Variants in SLC45A4 observed in about 807,000 individuals in gnomAD.
The protein encoded by SLC45A4 is polyamine-transporter SLC45A4.
Under a neutral mutation model 63.7 loss-of-function variants are expected in SLC45A4, and 32 were observed. That is an observed-to-expected ratio of 0.50 (90% CI 0.38 to 0.67). The LOEUF (loss-of-function observed/expected upper bound fraction) is 0.67, where lower values mean the gene tolerates loss of function less well. Among genes scored for constraint, SLC45A4 ranks in the 30% least tolerant of loss-of-function variants. The pLI is 0.00. For missense variants in SLC45A4, 1,027 were observed against 1,157.7 expected (o/e 0.89, Z 1.64); for synonymous variants, 535 against 510.0 (o/e 1.05, Z -0.66).
At chr8:141,225,092 C>G (rs11777252) in intron 2 of SLC45A4, 1 of 152,096 alleles carries the variant, frequency 6.6e-6, no homozygotes, top group East Asian at 1.9e-4. Context: ...GGTGTAGTTA[C>G]GCACACCCAT....
chr8:141,223,720 C>A (rs13281845), intron 2 of SLC45A4, among the ~76,000 whole-genome samples: 1 of 152,268 alleles, frequency 6.6e-6, no homozygotes, highest in East Asian at 1.9e-4. Flanking sequence ...GCCAACCCTG[C>A]GCACGCCAGG....
At chr8:141,304,881 ATCT>A (rs1830854315) in intron 1 of SLC45A4, among the ~76,000 whole-genome samples, 2 of 152,254 alleles carry the variant, frequency 1.3e-5, no homozygotes, top group Admixed American at 6.5e-5. Context: ...GATGTTTTTA[ATCT>A]TCTTAAAATG....
chr8:141,301,338 T>A (rs1041414221), intron 1 of SLC45A4, among the ~76,000 whole-genome samples: 19 of 152,248 alleles, frequency 1.2e-4, no homozygotes, highest in Non-Finnish European at 2.6e-4. Flanking sequence ...TGATCAATTC[T>A]GTACTGATAA....
chr8:141,237,185 T>C (rs1827671505), intron 2 of SLC45A4, among the ~76,000 whole-genome samples: 1 of 152,240 alleles, frequency 6.6e-6, no homozygotes, highest in Non-Finnish European at 1.5e-5. Context: ...TTACCAGTGC[T>C]CATATGCACA....
intron 1 of SLC45A4, among the ~76,000 whole-genome samples, chr8:141,287,138 T>C (rs920661569): frequency 5.3e-5 from 8 of 152,166 alleles, no homozygotes; most frequent in Non-Finnish European, 2.9e-5. Context: ...GCTTTCATTC[T>C]ACAACTGAAA....
chr8:141,235,947 T>C (rs769642211), intron 2 of SLC45A4, among the ~76,000 whole-genome samples: 1 of 151,730 alleles, frequency 6.6e-6, no homozygotes, highest in Non-Finnish European at 1.5e-5. Flanking sequence ...ACTAAAAATA[T>C]AAAAAAATTA....
chr8:141,258,151 C>G (rs1285863264), intron 1 of SLC45A4, among the ~76,000 whole-genome samples: 13 of 149,858 alleles, frequency 8.7e-5, no homozygotes, highest in African/African-American at 3.2e-4. Flanking sequence ...CAGCTCTGCG[C>G]TGGATCTGCC....
intron 2 of SLC45A4, chr8:141,230,238 C>T: frequency 4.9e-6 from 2 of 412,244 alleles, no homozygotes; most frequent in Non-Finnish European, 9.6e-6. Context: ...CTGTGGCTGT[C>T]AGGGCTGGGC....
intron 1 of SLC45A4, among the ~76,000 whole-genome samples, chr8:141,262,731 T>C (rs1006466825): frequency 6.6e-6 from 1 of 152,088 alleles, no homozygotes; most frequent in Non-Finnish European, 1.5e-5. Context: ...CTGGAGAGGA[T>C]GTGGAGAAAT....
At chr8:141,243,898 T>C (rs1224426362) in intron 2 of SLC45A4, among the ~76,000 whole-genome samples, 3 of 152,196 alleles carry the variant, frequency 2.0e-5, no homozygotes, top group Admixed American at 6.5e-5. Context: ...TATAAACATA[T>C]AATACATATA....
At chr8:141,291,060 G>A (rs1344692038) in intron 1 of SLC45A4, among the ~76,000 whole-genome samples, 1 of 152,170 alleles carries the variant, frequency 6.6e-6, no homozygotes, top group Non-Finnish European at 1.5e-5. Flanking sequence ...TGTTGGCCAG[G>A]CTGGTCTCAA....
At chr8:141,242,191 C>T (rs941684273) in intron 2 of SLC45A4, among the ~76,000 whole-genome samples, 3 of 152,190 alleles carry the variant, frequency 2.0e-5, no homozygotes, top group East Asian at 1.9e-4. Context: ...CAAACTTCAC[C>T]GTGAAAGAAA....
In SLC45A4 at chr8:141,218,611, G is replaced by T; in HGVS notation, c.1029C>A (p.Thr343=). 1.2e-6 allele frequency: 2 copies of T among 1,613,426 alleles called. No homozygotes were observed. Among genetic ancestry groups the T allele is most frequent in the South Asian group, 1.1e-5 (1 of 91,080 alleles). ...CGAGCTCCTGGCTGGTGCTGCGGGG[G>T]GTGGCGGGGTAGGAGGCGTCGTGGA... ...SIFHDASYPA[T]PRSTSQELAK... Residue 343 remains threonine (T), a synonymous_variant, in exon 5 of 9, where the codon ACC becomes ACA. Transcript: ENST00000517878.
chr8:141,295,145 C>T (rs928340773), intron 1 of SLC45A4, among the ~76,000 whole-genome samples: 3 of 152,178 alleles, frequency 2.0e-5, no homozygotes, highest in Non-Finnish European at 4.4e-5. Context: ...GCTGTGTGGT[C>T]AGAGAGGAGC....
rs1389688878 is a variant in SLC45A4, at chr8:141,256,686, C to A, written c.-400-2057G>T. ...GAACCAAAGGTTCAAGTGGTGCTAC[C>A]TATGTATTTGCTTCTTACGTCCCCT... On this transcript the variant is annotated intron_variant, in intron 1 of 8. Coordinates refer to ENST00000517878, the MANE Select transcript of SLC45A4 (RefSeq NM_001286646.2). The surrounding 1 kb of genome is among the most constrained non-coding windows in gnomAD (Gnocchi z 4.3). 1 of 453,026 alleles carries A rather than the reference C, an allele frequency of 2.2e-6. No homozygotes were observed. Among genetic ancestry groups the A allele is most frequent in the Admixed American group, 2.4e-5 (1 of 42,496 alleles). 28.1% of individuals were successfully genotyped at this position (453,026 alleles called of 1,614,324 possible).
At chr8:141,250,385 T>C (rs972670803) in intron 2 of SLC45A4, among the ~76,000 whole-genome samples, 1 of 149,392 alleles carries the variant, frequency 6.7e-6, no homozygotes, top group Non-Finnish European at 1.5e-5. Context: ...TGCCCAACTA[T>C]AGGCTGGTGT....
At chr8:141,264,332 C>A (rs1050862554) in intron 1 of SLC45A4, among the ~76,000 whole-genome samples, 1 of 152,162 alleles carries the variant, frequency 6.6e-6, no homozygotes, top group African/African-American at 2.4e-5. Flanking sequence ...TTTTATCACA[C>A]ACCAAATGTC....
intron 2 of SLC45A4, among the ~76,000 whole-genome samples, chr8:141,247,061 G>A (rs1414023738): frequency 6.6e-6 from 1 of 152,124 alleles, no homozygotes; most frequent in Admixed American, 6.5e-5. Context: ...ATAAACAACA[G>A]AGGAAAAAAC....
chr8:141,209,155 G>C lies in SLC45A4; in HGVS notation c.*2417C>G, dbSNP rs557288185. Reference sequence around the variant, plus strand: ...CTATCAGCCAGAGCACCTCCCCTTTGACACTGACCGGCGTCCCCAGCCCCG... The same window carrying C: ...CTATCAGCCAGAGCACCTCCCCTTTCACACTGACCGGCGTCCCCAGCCCCG... On this transcript the variant is annotated 3_prime_UTR_variant, in exon 9 of 9. Coordinates refer to ENST00000517878, the MANE Select transcript of SLC45A4 (RefSeq NM_001286646.2). 6.6e-6 allele frequency: 1 copy of C among 152,618 alleles called. No individual in the cohort carries two copies. The highest frequency in any genetic ancestry group is 2.1e-4 in the South Asian group (1 of 4,852). The allele number at this position is 152,618 out of a possible 1,614,324, so 9.5% of individuals were successfully genotyped here.
Sources: allele counts gnomAD v4.1 joint callset (sites outside exome capture counted in the v4.1 genomes callset), GRCh38; gene constraint gnomAD v4.1.1; non-coding constraint Gnocchi (gnomAD v3.1); transcripts MANE v1.5; gene names NCBI Gene and HGNC (gene_info 2026-07-23, HGNC 2026-07-21).